The following USH2A variants were observed in gnomAD, a reference collection of about 807,000 sequenced individuals.
USH2A encodes usherin.
USH2A carries 443 observed loss-of-function variants against 538.9 expected under a neutral mutation model. That is an observed-to-expected ratio of 0.82 (90% CI 0.76 to 0.89). The LOEUF (loss-of-function observed/expected upper bound fraction) is 0.89. Ranked by LOEUF, USH2A falls within the 40% of genes least tolerant of loss-of-function variation. The pLI, the probability that USH2A is intolerant of heterozygous loss-of-function variation, is 0.00. For synonymous variants in USH2A, 2,413 were observed against 2,273.5 expected (o/e 1.06, Z -1.75); for missense variants, 6,633 against 6,324.8 (o/e 1.05, Z -1.65).
chr1:215,948,425 G>GATATAT (rs143122492), intron 37 of USH2A, among the ~76,000 whole-genome samples: 2,449 of 144,516 alleles, frequency 0.017, 36 homozygotes, highest in Non-Finnish European at 0.025. Context: ...TATTTGTTCA[G>GATATAT]ATATATATAT....
intron 21 of USH2A, among the ~76,000 whole-genome samples, chr1:216,106,174 A>T (rs566633303): frequency 7.3e-4 from 108 of 147,566 alleles, no homozygotes; most frequent in South Asian, 1.5e-3. Flanking sequence ...ATATTTATAT[A>T]TATAAATATA....
intron 60 of USH2A, 131 bp from the exon 61 acceptor site, chr1:215,728,515 A>C: frequency 1.1e-6 from 1 of 911,396 alleles, no homozygotes; most frequent in Non-Finnish European, 1.7e-6. Flanking sequence ...CTGGTGTCAT[A>C]GTAAAGAAAA....
intron 32 of USH2A, among the ~76,000 whole-genome samples, chr1:216,009,111 C>T (rs561986983): frequency 1.8e-4 from 27 of 151,894 alleles, no homozygotes; most frequent in African/African-American, 6.1e-4. Flanking sequence ...CTTATTTCCA[C>T]ACCCTGACCT....
intron 55 of USH2A, among the ~76,000 whole-genome samples, chr1:215,776,219 C>T (rs1236599962): frequency 1.3e-5 from 2 of 152,152 alleles, no homozygotes; most frequent in Non-Finnish European, 2.9e-5. Flanking sequence ...CTGCCATGCG[C>T]TGTTTGCATT....
intron 19 of USH2A, chr1:216,194,157 G>A (rs555594627): frequency 2.6e-4 from 40 of 152,196 alleles, no homozygotes; most frequent in African/African-American, 8.4e-4. Flanking sequence ...CCCTAGGAAG[G>A]AGACTCTAAA....
intron 20 of USH2A, among the ~76,000 whole-genome samples, chr1:216,178,821 A>G (rs1276410510): frequency 2.0e-5 from 3 of 152,128 alleles, no homozygotes; most frequent in African/African-American, 7.2e-5. Context: ...AGAATGAGAA[A>G]CTGAATGTCA....
intron 32 of USH2A, among the ~76,000 whole-genome samples, chr1:216,041,535 A>C (rs1375870108): frequency 6.6e-6 from 1 of 152,056 alleles, no homozygotes; most frequent in Non-Finnish European, 1.5e-5. Flanking sequence ...GGGAAACTAC[A>C]AGTAAATGAA....
At chr1:216,104,609 G>C (rs907189634) in intron 21 of USH2A, among the ~76,000 whole-genome samples, 1 of 152,106 alleles carries the variant, frequency 6.6e-6, no homozygotes, top group African/African-American at 2.4e-5. Context: ...GGGAAAACTG[G>C]CTAGCCATAT....
intron 14 of USH2A, among the ~76,000 whole-genome samples, chr1:216,218,904 A>G (rs1279953047): frequency 6.6e-6 from 1 of 152,092 alleles, no homozygotes; most frequent in Non-Finnish European, 1.5e-5. Flanking sequence ...ATTTCTTTAT[A>G]GGCTATTATG....
chr1:215,822,106 G>A (rs1558114169), intron 47 of USH2A, among the ~76,000 whole-genome samples: 1 of 151,318 alleles, frequency 6.6e-6, no homozygotes, highest in Non-Finnish European at 1.5e-5. Flanking sequence ...AGCTATTCTG[G>A]GTGTTTTGTG....
At position 215,628,973 on chromosome 1, in the gene USH2A, A is replaced by C. The variant is rs775518354; in HGVS notation, c.15360T>G (p.Ser5120Arg). ...GACTCGGGATGCGCAGGACACATGC[A>C]CTCCGGTTGCTGCGGATACTCACAG... Reference protein sequence around the residue: ...GTPVSIRSNRSACVLRIPSQN... With the variant: ...GTPVSIRSNRRACVLRIPSQN... The change falls in exon 71 of 72, where the codon AGT (serine) becomes AGG (arginine). Residue 5120 changes from serine (S) to arginine (R), a missense_variant. Transcript: ENST00000307340. 1 of 1,613,832 alleles carries C rather than the reference A, an allele frequency of 6.2e-7. No homozygotes were observed. The highest frequency in any genetic ancestry group is 2.2e-5 in the East Asian group (1 of 44,870).
rs755205544 is a variant in USH2A at position 215,766,735 on chromosome 1, C to T, written c.10993G>A (p.Gly3665Arg). 1.5e-5 allele frequency: 25 copies of T among 1,613,582 alleles called. No homozygotes were observed. The Admixed American group carries it at 3.8e-4, about 25-fold the overall frequency. ...SFTLTACTSA[G>R]CTSSEPFLGQ... ...AGAAAAGGCTCGCTTGAAGTGCACC[C>T]AGCAGATGTACAAGCTGTAAGAGTG... The change falls in exon 56 of 72, where the codon GGG (glycine) becomes AGG (arginine). Residue 3665 changes from glycine to arginine, a missense_variant. Gly to Arg is a moderately radical substitution (Grantham distance 125, BLOSUM62 -2). Transcript: ENST00000307340.
At chr1:216,145,601 T>C (rs1045179267) in intron 21 of USH2A, among the ~76,000 whole-genome samples, 5 of 152,212 alleles carry the variant, frequency 3.3e-5, no homozygotes, top group African/African-American at 9.6e-5. Flanking sequence ...ACAAGTCCTG[T>C]GTCAGGCCTC....
intron 41 of USH2A, among the ~76,000 whole-genome samples, chr1:215,886,161 A>AC (rs1665048608): frequency 6.6e-6 from 1 of 152,170 alleles, no homozygotes; most frequent in South Asian, 2.1e-4. Flanking sequence ...CCATCCTAAT[A>AC]CCTGGAACAA....
intron 32 of USH2A, among the ~76,000 whole-genome samples, chr1:216,032,377 A>AGTAG (rs550195523): frequency 3.9e-5 from 6 of 152,302 alleles, no homozygotes; most frequent in Admixed American, 1.3e-4. Flanking sequence ...AAATCCCTAA[A>AGTAG]GTAGGTACTG....
intron 21 of USH2A, among the ~76,000 whole-genome samples, chr1:216,147,518 G>C (rs1327299140): frequency 1.3e-5 from 2 of 152,112 alleles, no homozygotes; most frequent in African/African-American, 4.8e-5. Context: ...GCAACACTGA[G>C]ACACTTTACA....
At position 216,064,311 on chromosome 1, in the gene USH2A, C is replaced by T. The variant is rs548626693; in HGVS notation, c.6049+5790G>A. Among the ~76,000 whole-genome samples the T allele has an allele frequency of 9.2e-5, 14 of 152,160 alleles. No homozygotes were observed. The East Asian group carries it at 2.5e-3, about 27-fold the overall frequency. ...AGGTAGGAATCAGCCCTGGACAGGC[C>T]ACCATACCATCACAGGGCATACTCA... On this transcript the variant is annotated intron_variant, in intron 30 of 71. Transcript: ENST00000307340.
intron 21 of USH2A, among the ~76,000 whole-genome samples, chr1:216,152,476 G>T (rs1244854027): frequency 2.0e-5 from 3 of 146,776 alleles, no homozygotes; most frequent in Middle Eastern, 3.6e-3. Context: ...TGCCCACTGA[G>T]CACCTTGCGA....
At chr1:216,272,781 G>T (rs953890681) in intron 11 of USH2A, among the ~76,000 whole-genome samples, 6 of 152,086 alleles carry the variant, frequency 3.9e-5, no homozygotes, top group Non-Finnish European at 8.8e-5. Context: ...ACATTGATTG[G>T]CAAAATAGGT....
Sources: gnomAD v4.1 joint callset for allele counts (sites outside exome capture counted in the v4.1 genomes callset) on GRCh38, gnomAD v4.1.1 for gene constraint, MANE v1.5 for transcripts, NCBI Gene and HGNC (gene_info 2026-07-23, HGNC 2026-07-21) for gene names.